Variants in F13A1 observed in about 807,000 individuals in gnomAD.
F13A1 encodes FSF, A subunit.
In F13A1, 47 loss-of-function variants were observed where a neutral mutation model predicts 80.1. The ratio of observed to expected loss-of-function variants is 0.59; its 90% confidence interval spans 0.46 to 0.75. F13A1 has a LOEUF of 0.75. F13A1 is among the 30% of genes least tolerant of loss of function. The pLI is 0.00. For missense variants in F13A1, 817 were observed against 930.4 expected (o/e 0.88, Z 1.59); for synonymous variants, 349 against 344.9 (o/e 1.01, Z -0.13).
intron 8 of F13A1, among the ~76,000 whole-genome samples, chr6:6,211,415 A>C (rs947278319): frequency 1.6e-4 from 24 of 152,248 alleles, no homozygotes; most frequent in African/African-American, 5.3e-4. Context: ...GAAAATAAGC[A>C]TCTCTGATAA....
chr6:6,145,828 A>G (rs988352077), intron 14 of F13A1, 56 bp from the exon 15 acceptor site: 1 of 1,612,378 alleles, frequency 6.2e-7, no homozygotes, highest in African/African-American at 1.3e-5. Flanking sequence ...CACTTTGATC[A>G]GGAAGCAATG....
At chr6:6,219,019 G>T (rs1757148239) in intron 8 of F13A1, among the ~76,000 whole-genome samples, 1 of 152,132 alleles carries the variant, frequency 6.6e-6, no homozygotes, top group Admixed American at 6.6e-5. Flanking sequence ...GGACCATTGG[G>T]ACCTGAGTGT....
intron 6 of F13A1, among the ~76,000 whole-genome samples, chr6:6,240,262 C>A (rs1757467951): frequency 6.6e-6 from 1 of 152,058 alleles, no homozygotes; most frequent in Non-Finnish European, 1.5e-5. Context: ...GAAATGTAAG[C>A]TTAATAATTG....
chr6:6,311,038 CTTT>C (rs71312605), intron 2 of F13A1, among the ~76,000 whole-genome samples: 86,506 of 149,112 alleles, frequency 0.58, 26,192 homozygotes, highest in East Asian at 0.85. Flanking sequence ...AAACATCTGT[CTTT>C]TTTTTTTTAA....
chr6:6,288,141 T>C (rs1395942219), intron 3 of F13A1, among the ~76,000 whole-genome samples: 1 of 152,220 alleles, frequency 6.6e-6, no homozygotes, highest in African/African-American at 2.4e-5. Flanking sequence ...TTCTTTTCTA[T>C]GTACATGGAA....
At chr6:6,306,941 G>A (rs528982853) in intron 2 of F13A1, among the ~76,000 whole-genome samples, 217 of 152,244 alleles carry the variant, frequency 1.4e-3, no homozygotes, top group Non-Finnish European at 2.7e-3. Context: ...GATCCTCTTC[G>A]GTCCTAAAGT....
intron 3 of F13A1, among the ~76,000 whole-genome samples, chr6:6,278,979 T>G (rs1758025629): frequency 6.6e-6 from 1 of 152,232 alleles, no homozygotes; most frequent in Non-Finnish European, 1.5e-5. Context: ...CTTTGCTTGT[T>G]GGTAATGAAA....
intron 10 of F13A1, among the ~76,000 whole-genome samples, chr6:6,186,474 T>C (rs1761082135): frequency 6.6e-6 from 1 of 152,248 alleles, no homozygotes; most frequent in Non-Finnish European, 1.5e-5. Flanking sequence ...ATTTATTAAA[T>C]AGGGAATCCT....
intron 1 of F13A1, among the ~76,000 whole-genome samples, chr6:6,320,017 C>T (rs981088831): frequency 4.6e-5 from 7 of 152,118 alleles, no homozygotes; most frequent in African/African-American, 1.7e-4. Context: ...TGTCGGGAGA[C>T]ACAGTGCTAA....
rs1757623188 is a variant in F13A1 at position 6,250,900 on chromosome 6, C to T, written c.601G>A (p.Glu201Lys). ...DDAVYLDNEK[E>K]REEYVLNDIG... Reference sequence around the variant, plus strand: ...TCATTCAGGACATACTCTTCTCTTTCTTTCTCATTGTCCAGATACACAGCA... The same window carrying T: ...TCATTCAGGACATACTCTTCTCTTTTTTTCTCATTGTCCAGATACACAGCA... Residue 201 changes from glutamate to lysine, a missense_variant, in exon 5 of 15, where the codon GAA becomes AAA. Coordinates refer to ENST00000264870, the MANE Select transcript of F13A1 (RefSeq NM_000129.4). The surrounding 1 kb of genome is among the most constrained non-coding windows in gnomAD (Gnocchi z 4.2). 2.5e-6 allele frequency: 4 copies of T among 1,613,054 alleles called. No homozygotes were observed. In the Middle Eastern group the frequency reaches 5.0e-4, roughly 200 times the overall value.
Position 6,197,100 on chromosome 6 carries a change from C to T in F13A1, c.1216+123G>A, listed in dbSNP as rs967246625. 2.1e-5 allele frequency: 17 copies of T among 827,300 alleles called. No homozygotes were observed. In the African/African-American group the frequency reaches 2.9e-4, roughly 14 times the overall value. The allele number at this position is 827,300 out of a possible 1,614,324, so 51.2% of individuals were successfully genotyped here. The stretch of plus-strand genomic sequence containing the variant: ...AAGGTAGCTAATACTGTACATGTGC[C>T]CAGGAAGCACACTTCAGATGTTGCC... On this transcript the variant is annotated intron_variant, in intron 9 of 14. Coordinates refer to ENST00000264870, the MANE Select transcript of F13A1 (RefSeq NM_000129.4).
chr6:6,154,465 G>A (rs1760439823), intron 13 of F13A1, among the ~76,000 whole-genome samples: 1 of 152,166 alleles, frequency 6.6e-6, no homozygotes, highest in African/African-American at 2.4e-5. Context: ...CCTGTGCCAG[G>A]TACGATGTTA....
intron 12 of F13A1, among the ~76,000 whole-genome samples, chr6:6,167,848 TG>T (rs1760705127): frequency 6.6e-6 from 1 of 152,194 alleles, no homozygotes; most frequent in African/African-American, 2.4e-5. Flanking sequence ...GGAGAAAATG[TG>T]TCAAACCTTC....
chr6:6,315,163 A>T (rs750331810), intron 2 of F13A1, among the ~76,000 whole-genome samples: 2 of 152,218 alleles, frequency 1.3e-5, no homozygotes, highest in Non-Finnish European at 2.9e-5. Context: ...CAACAACATA[A>T]GGTTTCTTCT....
chr6:6,254,045 GCTCAA>G (rs2113107180), intron 4 of F13A1, among the ~76,000 whole-genome samples: 1 of 152,172 alleles, frequency 6.6e-6, no homozygotes, highest in Admixed American at 6.5e-5. Flanking sequence ...ATGAAAAAAT[GCTCAA>G]CTCCACTAAC....
chr6:6,300,825 T>C (rs1440377378), intron 3 of F13A1, among the ~76,000 whole-genome samples: 6 of 152,150 alleles, frequency 3.9e-5, no homozygotes, highest in Middle Eastern at 3.4e-3. Flanking sequence ...CGTCTGTTTT[T>C]TTTTTTAATT....
Position 6,311,508 on chromosome 6 carries a change from T to C in F13A1, c.131-5969A>G, listed in dbSNP as rs1269541991. Among the ~76,000 whole-genome samples the C allele has an allele frequency of 5.4e-5, 6 of 111,564 alleles. No individual in the cohort carries two copies. The East Asian group carries it at 8.0e-4, about 15-fold the overall frequency. The allele number at this position is 111,564 out of a possible 152,430, so 73.2% of individuals were successfully genotyped here. On this transcript the variant is annotated intron_variant, in intron 2 of 14. Transcript: ENST00000264870. ...GGGTGCTGATTAATGCCTTTGAGAA[T>C]AGAAAACCTAAGTCAAAAAAAAAAA...
At chr6:6,178,832 A>T (rs1760929267) in intron 11 of F13A1, among the ~76,000 whole-genome samples, 1 of 152,224 alleles carries the variant, frequency 6.6e-6, no homozygotes, top group Non-Finnish European at 1.5e-5. Flanking sequence ...GGGAGTGAAC[A>T]ACAGCACCAG....
intron 8 of F13A1, among the ~76,000 whole-genome samples, chr6:6,211,935 C>A (rs540055968): frequency 2.6e-5 from 4 of 152,216 alleles, no homozygotes; most frequent in Non-Finnish European, 4.4e-5. Context: ...CCTGGAAAAT[C>A]GGGTCACTCC....
Sources: gnomAD v4.1 joint callset for allele counts (sites outside exome capture counted in the v4.1 genomes callset) on GRCh38, gnomAD v4.1.1 for gene constraint, Gnocchi (gnomAD v3.1) non-coding constraint, MANE v1.5 for transcripts, NCBI Gene and HGNC (gene_info 2026-07-23, HGNC 2026-07-21) for gene names.